Variants in PDE4D observed in about 807,000 individuals in gnomAD.
PDE4D encodes the protein 3',5'-cyclic-AMP phosphodiesterase 4D.
PDE4D carries 24 observed loss-of-function variants against 87.4 expected under a neutral mutation model. The observed-to-expected ratio is 0.27, with a 90% CI of 0.20 to 0.39. The LOEUF is 0.39. Among genes scored for constraint, PDE4D ranks in the 10% least tolerant of loss-of-function variants. The probability of loss-of-function intolerance (pLI) is 1.00; values close to 1 mark genes in which losing one functional copy is unlikely to be tolerated. For missense variants in PDE4D, 714 were observed against 1,041.0 expected (o/e 0.69, Z 4.32); for synonymous variants, 384 against 383.2 (o/e 1.00, Z -0.02).
At chr5:59,075,255 TC>T (rs1005162470) in intron 5 of PDE4D, among the ~76,000 whole-genome samples, 2 of 152,166 alleles carry the variant, frequency 1.3e-5, no homozygotes, top group African/African-American at 4.8e-5. Context: ...AATTTTCAGC[TC>T]ATTTTGGCTT....
intron 1 of PDE4D, among the ~76,000 whole-genome samples, chr5:60,294,517 T>C (rs1375297921): frequency 6.6e-6 from 1 of 152,180 alleles, no homozygotes; most frequent in African/African-American, 2.4e-5. Flanking sequence ...CCAATCCATC[T>C]TGAATTGATT....
intron 1 of PDE4D, among the ~76,000 whole-genome samples, chr5:59,660,095 GA>G (rs2150281387): frequency 6.6e-6 from 1 of 152,146 alleles, no homozygotes; most frequent in South Asian, 2.1e-4. Flanking sequence ...TAAGGTACAA[GA>G]ATCACTTGAA....
chr5:59,238,602 C>G (rs1168876702), intron 1 of PDE4D, among the ~76,000 whole-genome samples: 1 of 152,124 alleles, frequency 6.6e-6, no homozygotes, highest in African/African-American at 2.4e-5. Context: ...TTTCCCCAGC[C>G]CTACTATTGA....
intron 1 of PDE4D, among the ~76,000 whole-genome samples, chr5:59,391,863 T>G (rs1788304944): frequency 6.6e-6 from 1 of 151,422 alleles, no homozygotes; most frequent in African/African-American, 2.4e-5. Flanking sequence ...CGTTAACCTC[T>G]TCTCTAATAC....
At chr5:60,358,618 A>G (rs747177419) in intron 1 of PDE4D, among the ~76,000 whole-genome samples, 2 of 152,190 alleles carry the variant, frequency 1.3e-5, no homozygotes, top group Non-Finnish European at 2.9e-5. Context: ...CCATTGTGAC[A>G]TAGGCCTGTC....
At chr5:60,068,794 G>T (rs528044384) in intron 2 of PDE4D, among the ~76,000 whole-genome samples, 64 of 152,154 alleles carry the variant, frequency 4.2e-4, no homozygotes, top group African/African-American at 1.4e-3. Flanking sequence ...TAGAGACAAG[G>T]TTTCACTATG....
chr5:60,518,050 C>T (rs1392975810), intron 1 of PDE4D, among the ~76,000 whole-genome samples: 3 of 152,232 alleles, frequency 2.0e-5, no homozygotes, highest in African/African-American at 4.8e-5. Flanking sequence ...ACCACATTCC[C>T]GGGTGCCAGC....
intron 1 of PDE4D, among the ~76,000 whole-genome samples, chr5:60,304,651 CAAAAAA>C (rs70975379): frequency 1.7e-5 from 1 of 60,086 alleles, no homozygotes; most frequent in African/African-American, 7.8e-5. Context: ...GACTCCGTCT[CAAAAAA>C]AAAAAAAAAA....
intron 2 of PDE4D, chr5:60,147,728 G>A (rs2149434595): frequency 2.2e-6 from 1 of 453,518 alleles, no homozygotes; most frequent in South Asian, 1.6e-5. Context: ...AGCTAGAGAA[G>A]CACTTCTCGA....
At chr5:59,624,945 T>G (rs1413622756) in intron 1 of PDE4D, among the ~76,000 whole-genome samples, 1 of 152,228 alleles carries the variant, frequency 6.6e-6, no homozygotes, top group African/African-American at 2.4e-5. Flanking sequence ...TTAAATTTAT[T>G]GATAGGAATT....
In PDE4D at chr5:59,488,727, G is replaced by A. The variant is rs1423990715; in HGVS notation, c.456-272759C>T. On this transcript the variant is annotated intron_variant, in intron 1 of 14. Transcript: ENST00000340635. ...TTCAGAGAGCTTTCCAAGTACAGTTGGAATATTTCACAATTTCAGGAGACT... is the reference window on the plus strand; with the variant it reads ...TTCAGAGAGCTTTCCAAGTACAGTTAGAATATTTCACAATTTCAGGAGACT... Among the ~76,000 whole-genome samples the A allele has an allele frequency of 1.2e-4, 18 of 148,486 alleles. No homozygotes were observed. In the East Asian group the frequency reaches 2.7e-3, roughly 23 times the overall value.
At chr5:59,173,729 T>C (rs532841531) in intron 5 of PDE4D, among the ~76,000 whole-genome samples, 6 of 152,218 alleles carry the variant, frequency 3.9e-5, no homozygotes, top group Non-Finnish European at 7.3e-5. Flanking sequence ...AACTACAGCA[T>C]GAAGCTGCTG....
At chr5:60,390,475 A>G (rs988714374) in intron 1 of PDE4D, among the ~76,000 whole-genome samples, 1 of 152,150 alleles carries the variant, frequency 6.6e-6, no homozygotes, top group Non-Finnish European at 1.5e-5. Context: ...AATGCCAACC[A>G]GGACTTACAT....
chr5:60,469,011 T>C lies in PDE4D; in HGVS notation c.-90+18931A>G, dbSNP rs78747752. Among the ~76,000 whole-genome samples the C allele has an allele frequency of 2.2e-3, 328 of 152,296 alleles. 2 individuals carry two copies. Among genetic ancestry groups the C allele is most frequent in the African/African-American group, 7.6e-3 (316 of 41,562 alleles). On this transcript the variant is annotated intron_variant, in intron 1 of 16. Coordinates refer to the PDE4D transcript ENST00000502484. ...CCTCTTTTGGAGACAGATCATTTCTTTACCCTGTTTCTTTCAAAGTTTTCC... is the reference window on the plus strand; with the variant it reads ...CCTCTTTTGGAGACAGATCATTTCTCTACCCTGTTTCTTTCAAAGTTTTCC...
chr5:59,838,098 T>G (rs1391942550), intron 1 of PDE4D, among the ~76,000 whole-genome samples: 1 of 152,074 alleles, frequency 6.6e-6, no homozygotes, highest in African/African-American at 2.4e-5. Flanking sequence ...TTAAAAAAAC[T>G]AGGATTTTAT....
chr5:59,524,974 T>C (rs968181627), intron 1 of PDE4D, among the ~76,000 whole-genome samples: 1 of 152,254 alleles, frequency 6.6e-6, no homozygotes, highest in Non-Finnish European at 1.5e-5. Context: ...GGCAAGAGCC[T>C]GCTGCAGGGA....
intron 1 of PDE4D, among the ~76,000 whole-genome samples, chr5:59,422,677 G>A (rs111847670): frequency 0.012 from 1,874 of 152,226 alleles, 49 homozygotes; most frequent in African/African-American, 0.043. Flanking sequence ...ATCATATAAA[G>A]GTCATCAAGA....
intron 1 of PDE4D, among the ~76,000 whole-genome samples, chr5:60,322,869 G>A (rs766534424): frequency 2.6e-5 from 4 of 152,050 alleles, no homozygotes; most frequent in Admixed American, 6.5e-5. Context: ...AATAGCTTTC[G>A]CTAAAGTTGC....
chr5:59,997,231 C>T (rs987659911), intron 2 of PDE4D, among the ~76,000 whole-genome samples: 1 of 152,048 alleles, frequency 6.6e-6, no homozygotes, highest in African/African-American at 2.4e-5. Context: ...CAGTTACATA[C>T]AGTAATAGAA....
Sources: allele counts gnomAD v4.1 joint callset (sites outside exome capture counted in the v4.1 genomes callset), GRCh38; gene constraint gnomAD v4.1.1; transcripts MANE v1.5; gene names NCBI Gene and HGNC (gene_info 2026-07-23, HGNC 2026-07-21).